The following RSRC1 variants were observed in gnomAD, a reference collection of about 807,000 sequenced individuals.
RSRC1 encodes arginine and serine rich coiled-coil 1.
A neutral mutation model predicts 49.1 loss-of-function variants in RSRC1; 39 were observed. The observed-to-expected ratio is 0.79, with a 90% CI of 0.61 to 1.04. The LOEUF (loss-of-function observed/expected upper bound fraction) is 1.04. Among genes scored for constraint, RSRC1 ranks in the 50% least tolerant of loss-of-function variants. The probability of loss-of-function intolerance (pLI) is 0.00; values close to 1 mark genes in which losing one functional copy is unlikely to be tolerated. For missense variants in RSRC1, 388 were observed against 402.4 expected, an observed-to-expected ratio of 0.96 and a Z score of 0.31; for synonymous variants, 143 against 130.8, an observed-to-expected ratio of 1.09 and a Z score of -0.63.
At chr3:158,429,663 C>A (rs1475131143) in intron 6 of RSRC1, among the ~76,000 whole-genome samples, 2 of 149,786 alleles carry the variant, frequency 1.3e-5, no homozygotes, top group African/African-American at 4.9e-5. Flanking sequence ...TAAAAAAAAA[C>A]AACAAAAATA....
chr3:158,136,992 T>C (rs150744469), intron 3 of RSRC1: 137 of 152,326 alleles, frequency 9.0e-4, no homozygotes, highest in African/African-American at 3.2e-3. Flanking sequence ...CGTTCTTTCA[T>C]TTACCTGAGG....
chr3:158,469,102 C>G (rs530863944), intron 7 of RSRC1, among the ~76,000 whole-genome samples: 2 of 152,208 alleles, frequency 1.3e-5, no homozygotes, highest in Non-Finnish European at 2.9e-5. Context: ...TTTACTCTGA[C>G]AGGTATCACC....
chr3:158,343,431 TATAAC>T lies in RSRC1; in HGVS notation c.532-11422_532-11418del, dbSNP rs1356622628. 7.2e-5 allele frequency among the ~76,000 whole-genome samples: 11 copies of T among 151,736 alleles called. No individual in the cohort carries two copies. The East Asian group carries it at 2.1e-3, about 29-fold the overall frequency. ...TCAAAAATGACCAAAGGCAAGAAAA[TATAAC>T]ATATATTAAAGAGAAAGCAAGAAAA... On this transcript the variant is annotated intron_variant, in intron 5 of 9. Transcript: ENST00000611884.
intron 6 of RSRC1, among the ~76,000 whole-genome samples, chr3:158,440,562 A>G (rs1040408162): frequency 6.6e-6 from 1 of 152,114 alleles, no homozygotes; most frequent in Non-Finnish European, 1.5e-5. Context: ...AAATCTCCCA[A>G]TTTCTGCTTA....
At chr3:158,368,149 G>GTT (rs918979250) in intron 6 of RSRC1, among the ~76,000 whole-genome samples, 3 of 152,212 alleles carry the variant, frequency 2.0e-5, no homozygotes, top group Non-Finnish European at 4.4e-5. Context: ...AGGGTGATAT[G>GTT]TTTAAGCCTA....
intron 4 of RSRC1, chr3:158,276,155 AAC>A (rs1354515752): frequency 4.4e-6 from 4 of 915,560 alleles, no homozygotes; most frequent in Non-Finnish European, 7.2e-6. Context: ...TTAGCTGGTT[AAC>A]ACCATGATGG....
At chr3:158,528,957 A>G (rs1420244601) in intron 7 of RSRC1, among the ~76,000 whole-genome samples, 1 of 151,836 alleles carries the variant, frequency 6.6e-6, no homozygotes, top group Non-Finnish European at 1.5e-5. Flanking sequence ...CTGAACAGTA[A>G]ATAAAGAGCA....
intron 7 of RSRC1, among the ~76,000 whole-genome samples, chr3:158,513,619 T>C (rs1003849474): frequency 2.6e-5 from 4 of 152,342 alleles, no homozygotes; most frequent in African/African-American, 7.2e-5. Context: ...ATCAGGATGA[T>C]GCTGGCCTCA....
At chr3:158,262,080 T>C (rs1724929899) in intron 4 of RSRC1, among the ~76,000 whole-genome samples, 1 of 152,168 alleles carries the variant, frequency 6.6e-6, no homozygotes, top group Non-Finnish European at 1.5e-5. Flanking sequence ...TTAACAAATA[T>C]ATGCCATAGC....
At chr3:158,364,403 T>G (rs1731645084) in intron 6 of RSRC1, among the ~76,000 whole-genome samples, 1 of 152,168 alleles carries the variant, frequency 6.6e-6, no homozygotes, top group South Asian at 2.1e-4. Context: ...TTATTTCATA[T>G]AAATAGTTTA....
intron 3 of RSRC1, among the ~76,000 whole-genome samples, chr3:158,152,500 A>G (rs937638755): frequency 1.3e-5 from 2 of 152,202 alleles, no homozygotes; most frequent in African/African-American, 2.4e-5. Flanking sequence ...TGTAAAGATC[A>G]TATTATATTT....
At chr3:158,302,024 G>T (rs1727579463) in intron 5 of RSRC1, among the ~76,000 whole-genome samples, 1 of 145,842 alleles carries the variant, frequency 6.9e-6, no homozygotes, top group Non-Finnish European at 1.5e-5. Context: ...AACTGTGTGT[G>T]TGTATGTGTG....
intron 5 of RSRC1, among the ~76,000 whole-genome samples, chr3:158,311,109 A>G (rs1455079980): frequency 6.6e-6 from 1 of 151,872 alleles, no homozygotes; most frequent in African/African-American, 2.4e-5. Context: ...TATATCTCCA[A>G]TCAAAATTAA....
chr3:158,226,873 A>G (rs1722559768), intron 4 of RSRC1, among the ~76,000 whole-genome samples: 1 of 151,966 alleles, frequency 6.6e-6, no homozygotes, highest in South Asian at 2.1e-4. Flanking sequence ...TATGTTAGTA[A>G]ATAAAAGACT....
intron 7 of RSRC1, among the ~76,000 whole-genome samples, chr3:158,504,789 G>C (rs1739778452): frequency 6.6e-6 from 1 of 152,204 alleles, no homozygotes; most frequent in Non-Finnish European, 1.5e-5. Context: ...TAGAAAGCAT[G>C]CCTATTATGA....
intron 4 of RSRC1, among the ~76,000 whole-genome samples, chr3:158,256,648 C>T (rs1392307508): frequency 6.6e-6 from 1 of 152,118 alleles, no homozygotes; most frequent in East Asian, 1.9e-4. Context: ...AGGAATGGTA[C>T]CAGCTACTCT....
chr3:158,383,976 G>A (rs1268335895), intron 6 of RSRC1, among the ~76,000 whole-genome samples: 1 of 151,964 alleles, frequency 6.6e-6, no homozygotes, highest in African/African-American at 2.4e-5. Flanking sequence ...AGCATTAATT[G>A]TTTTTAAGCA....
chr3:158,366,711 T>G (rs1189521156), intron 6 of RSRC1, among the ~76,000 whole-genome samples: 1 of 152,178 alleles, frequency 6.6e-6, no homozygotes, highest in Non-Finnish European at 1.5e-5. Flanking sequence ...TTGATGGGGA[T>G]AGCATTGAAT....
At chr3:158,460,877 T>C (rs1356476369) in intron 6 of RSRC1, 58 bp from the exon 7 acceptor site, 4 of 1,171,954 alleles carry the variant, frequency 3.4e-6, no homozygotes, top group Non-Finnish European at 4.8e-6. Context: ...TTAACCAATA[T>C]TTTCACTTTG....
Sources: gnomAD v4.1 joint callset for allele counts (sites outside exome capture counted in the v4.1 genomes callset) on GRCh38, gnomAD v4.1.1 for gene constraint, MANE v1.5 for transcripts, NCBI Gene and HGNC (gene_info 2026-07-23, HGNC 2026-07-21) for gene names.